The following SCN8A variants were observed in gnomAD, a reference collection of about 807,000 sequenced individuals.
SCN8A encodes the protein sodium voltage-gated channel alpha subunit 8.
SCN8A carries 30 observed loss-of-function variants against 184.1 expected under a neutral mutation model. That is an observed-to-expected ratio of 0.16 (90% CI 0.12 to 0.22). SCN8A has a LOEUF of 0.22. Ranked by LOEUF, SCN8A falls within the 10% of genes least tolerant of loss-of-function variation. SCN8A has a pLI of 1.00. For missense variants in SCN8A, 1,057 were observed against 2,498.9 expected, an observed-to-expected ratio of 0.42 and a Z score of 12.30; for synonymous variants, 852 against 907.0, an observed-to-expected ratio of 0.94 and a Z score of 1.09.
At chr12:51,594,222 C>T (rs1939295825) in intron 1 of SCN8A, among the ~76,000 whole-genome samples, 2 of 152,210 alleles carry the variant, frequency 1.3e-5, no homozygotes, top group African/African-American at 4.8e-5. Flanking sequence ...TGCCACATAA[C>T]GTAGCTCATT....
In SCN8A at chr12:51,766,015, T is replaced by C. The variant is rs1219328954; in HGVS notation, c.2889T>C (p.Ile963=). The change falls in exon 16 of 27, where the codon ATT becomes ATC. Residue 963 remains isoleucine (I), a synonymous_variant. Transcript: ENST00000627620. ...CLIVFMMVMV[I]GNLVVLNLFL... is the part of the protein sequence containing the mutation. ...TTGTCTTTATGATGGTCATGGTGAT[T>C]GGCAACTTGGTGGTTAGTACTAATT... The C allele has an allele frequency of 6.2e-7, 1 of 1,613,856 alleles. No individual in the cohort carries two copies. Among genetic ancestry groups the C allele is most frequent in the African/African-American group, 1.3e-5 (1 of 74,928 alleles).
Position 51,621,927 on chromosome 12 carries a change from C to T in SCN8A, c.-55+30568C>T, listed in dbSNP as rs114885353. Among the ~76,000 whole-genome samples the T allele has an allele frequency of 5.8e-3, 886 of 152,262 alleles. 13 individuals carry two copies. The highest frequency in any genetic ancestry group is 0.02 in the African/African-American group (849 of 41,564). ...TGCCTCTGGTAAGGAAGCATCTGAC[C>T]GTGAATGTGCCATGGAAGCTTTCTC... On this transcript the variant is annotated intron_variant, in intron 1 of 26. Coordinates refer to ENST00000627620, the MANE Select transcript of SCN8A (RefSeq NM_001330260.2).
rs942257212 is a variant in SCN8A, at chr12:51,751,719, C to T, written c.2370+126C>T. ...GTAATAGTTAATTGGAAGACAAATG[C>T]TTCCACATATGCCAGGACACCAGCT... On this transcript the variant is annotated intron_variant, in intron 14 of 26. Coordinates refer to ENST00000627620, the MANE Select transcript of SCN8A (RefSeq NM_001330260.2). 61 of 700,410 alleles carry T rather than the reference C, an allele frequency of 8.7e-5. 1 individual carries two copies. Among genetic ancestry groups the T allele is most frequent in the Non-Finnish European group, 1.2e-4 (49 of 412,068 alleles). 43.4% of individuals were successfully genotyped at this position (700,410 alleles called of 1,614,324 possible). A position where few individuals can be genotyped will look rare whatever the true frequency, so the allele number is the denominator to read the frequency against.
At chr12:51,610,702 A>G (rs1431613708) in intron 1 of SCN8A, among the ~76,000 whole-genome samples, 1 of 152,144 alleles carries the variant, frequency 6.6e-6, no homozygotes, top group Non-Finnish European at 1.5e-5. Flanking sequence ...GTTTTGTTTG[A>G]GGAGGCCTGA....
chr12:51,678,017 T>TTTGAAGGATCTGGCG (rs1461582477), intron 2 of SCN8A, among the ~76,000 whole-genome samples: 1 of 152,238 alleles, frequency 6.6e-6, no homozygotes, highest in Non-Finnish European at 1.5e-5. Flanking sequence ...ATATCTAGGC[T>TTTGAAGGATCTGGCG]TTGAAGGATC....
chr12:51,810,311 A>C lies in SCN8A; in HGVS notation c.*2882A>C, dbSNP rs1202702858. 1 of 308,824 alleles carries C rather than the reference A, an allele frequency of 3.2e-6. No homozygotes were observed. Among genetic ancestry groups the C allele is most frequent in the Admixed American group, 4.2e-5 (1 of 23,824 alleles). 19.1% of individuals were successfully genotyped at this position (308,824 alleles called of 1,614,324 possible). ...TCACCCACTGTCCTTCCACCTGCTCACTCACTCACTCTCTCACCCATCCTG... is the reference window on the plus strand; with the variant it reads ...TCACCCACTGTCCTTCCACCTGCTCCCTCACTCACTCTCTCACCCATCCTG... On this transcript the variant is annotated 3_prime_UTR_variant, in exon 27 of 27. Coordinates refer to ENST00000627620, the MANE Select transcript of SCN8A (RefSeq NM_001330260.2).
chr12:51,770,239 T>C (rs951753849), intron 18 of SCN8A: 8 of 591,830 alleles, frequency 1.4e-5, no homozygotes, highest in Non-Finnish European at 2.1e-5. Context: ...CATTAGAATG[T>C]CCTGTTCTGT....
Position 51,684,267 on chromosome 12 carries a change from A to C in SCN8A, c.370A>C (p.Ile124Leu). ...ILSPFNLIRR[I>L]AIKILIHSVF... The stretch of plus-strand genomic sequence containing the variant: ...AAGTCCTTTTAACCTGATAAGAAGA[A>C]TAGCTATTAAAATTTTGATACATTC... The change falls in exon 3 of 27, where the codon ATA (isoleucine) becomes CTA (leucine). Residue 124 changes from isoleucine to leucine, a missense_variant. Coordinates refer to ENST00000627620, the MANE Select transcript of SCN8A (RefSeq NM_001330260.2). 2 of 1,585,324 alleles carry C rather than the reference A, an allele frequency of 1.3e-6. No homozygotes were observed. Among genetic ancestry groups the C allele is most frequent in the Non-Finnish European group, 1.7e-6 (2 of 1,153,818 alleles).
At chr12:51,740,211 T>G (rs1942397893) in intron 12 of SCN8A, among the ~76,000 whole-genome samples, 1 of 152,200 alleles carries the variant, frequency 6.6e-6, no homozygotes, top group Non-Finnish European at 1.5e-5. Context: ...CTGCAGAGAT[T>G]TTGTTTATGG....
Position 51,809,051 on chromosome 12 carries a change from G to C in SCN8A, c.*1622G>C, listed in dbSNP as rs1938806520. ...AAGCAATTTAATATTAATTCTTTAGGATGTTCCAGCTTCCCTCAGTGCATT... is the reference window on the plus strand; with the variant it reads ...AAGCAATTTAATATTAATTCTTTAGCATGTTCCAGCTTCCCTCAGTGCATT... On this transcript the variant is annotated 3_prime_UTR_variant, in exon 27 of 27. Coordinates refer to ENST00000627620, the MANE Select transcript of SCN8A (RefSeq NM_001330260.2). The C allele has an allele frequency of 6.6e-6, 1 of 152,144 alleles. No homozygotes were observed. Among genetic ancestry groups the C allele is most frequent in the South Asian group, 2.1e-4 (1 of 4,832 alleles). 9.4% of individuals were successfully genotyped at this position (152,144 alleles called of 1,614,324 possible). A position where few individuals can be genotyped will look rare whatever the true frequency, so the allele number is the denominator to read the frequency against.
intron 1 of SCN8A, among the ~76,000 whole-genome samples, chr12:51,639,761 C>T (rs1036250394): frequency 1.3e-5 from 2 of 151,082 alleles, no homozygotes; most frequent in East Asian, 1.9e-4. Flanking sequence ...CAGTCAGTAG[C>T]GATCAACATT....
chr12:51,648,546 G>A (rs1407818276), intron 1 of SCN8A, among the ~76,000 whole-genome samples: 1 of 152,182 alleles, frequency 6.6e-6, no homozygotes, highest in African/African-American at 2.4e-5. Flanking sequence ...GGCTGGGGAG[G>A]CCTCAGAATC....
chr12:51,616,557 G>A (rs1415723108), intron 1 of SCN8A, among the ~76,000 whole-genome samples: 3 of 152,004 alleles, frequency 2.0e-5, no homozygotes, highest in Admixed American at 2.0e-4. Context: ...GGTACAGTGA[G>A]CAAAGAATGC....
chr12:51,744,298 A>G (rs1156909995), intron 12 of SCN8A, among the ~76,000 whole-genome samples: 1 of 152,208 alleles, frequency 6.6e-6, no homozygotes. Flanking sequence ...GCAGACTCTC[A>G]AAAAGCAAAA....
chr12:51,740,446 G>T (rs1378083540), intron 12 of SCN8A, among the ~76,000 whole-genome samples: 2 of 152,134 alleles, frequency 1.3e-5, no homozygotes, highest in African/African-American at 4.8e-5. Flanking sequence ...CCATGTGTTT[G>T]TATCATTTCC....
Position 51,768,977 on chromosome 12 carries a change from A to C in SCN8A, c.3014A>C (p.Lys1005Thr). The change falls in exon 17 of 27, where the codon AAG becomes ACG. Residue 1005 changes from lysine (K) to threonine (T), a missense_variant. Around this residue, in one of 19 missense-constraint regions of SCN8A, gnomAD observed 178 missense variants for 259.6 expected, o/e 0.69. Coordinates refer to ENST00000627620, the MANE Select transcript of SCN8A (RefSeq NM_001330260.2). ...NNLQISVIRI[K>T]KGVAWTKLKV... The stretch of plus-strand genomic sequence containing the variant: ...CTCCAGATCTCAGTGATCCGTATCA[A>C]GAAGGGTGTGGCCTGGACCAAACTA... The C allele has an allele frequency of 6.2e-7, 1 of 1,613,958 alleles. No homozygotes were observed. The highest frequency in any genetic ancestry group is 8.5e-7 in the Non-Finnish European group (1 of 1,179,820).
At chr12:51,772,816 T>TA (rs1230019151) in intron 19 of SCN8A, among the ~76,000 whole-genome samples, 1 of 146,226 alleles carries the variant, frequency 6.8e-6, no homozygotes, top group Non-Finnish European at 1.5e-5. Context: ...CCATCTCTAC[T>TA]AAAAATACAA....
In SCN8A at chr12:51,770,024, G is replaced by A. The variant is rs369201878; in HGVS notation, c.3490+39G>A. The A allele has an allele frequency of 5.8e-5, 80 of 1,368,382 alleles. 1 individual carries two copies. Among genetic ancestry groups the A allele is most frequent in the South Asian group, 9.9e-5 (8 of 80,410 alleles). 84.8% of individuals were successfully genotyped at this position (1,368,382 alleles called of 1,614,324 possible). ...AGGAGCGGATGGGCTGGGGACACTC[G>A]TGTTGCTCACAGACACAGTTGTGCC... On this transcript the variant is annotated intron_variant, in intron 18 of 26. Coordinates refer to ENST00000627620, the MANE Select transcript of SCN8A (RefSeq NM_001330260.2).
At position 51,688,951 on chromosome 12, in the gene SCN8A, G is replaced by C. The variant is rs990312478; in HGVS notation, c.615-54G>C. 36 of 1,580,124 alleles carry C rather than the reference G, an allele frequency of 2.3e-5. No homozygotes were observed. The South Asian group carries it at 3.7e-4, about 16-fold the overall frequency. On this transcript the variant is annotated intron_variant, in intron 5 of 26. Transcript: ENST00000627620. ...GGTTTTGTTTTTTCCTTTGGTGTTT[G>C]TGTTTGTGTCTGTGTTTGTCACTTG...
Sources: allele counts gnomAD v4.1 joint callset (sites outside exome capture counted in the v4.1 genomes callset), GRCh38; gene constraint gnomAD v4.1.1; regional missense constraint gnomAD v4.1.1; transcripts MANE v1.5; gene names NCBI Gene and HGNC (gene_info 2026-07-23, HGNC 2026-07-21).